ATG5: variants seen among roughly 807,000 people sequenced by gnomAD.
ATG5 encodes autophagy protein 5.
A neutral mutation model predicts 36.5 loss-of-function variants in ATG5; 14 were observed. That is an observed-to-expected ratio of 0.38 (90% confidence interval 0.25 to 0.60). The LOEUF is 0.60. Ranked by LOEUF, ATG5 falls within the 20% of genes least tolerant of loss-of-function variation. The pLI, the probability that ATG5 is intolerant of heterozygous loss-of-function variation, is 0.60. For synonymous variants in ATG5, 95 were observed against 101.5 expected, an observed-to-expected ratio of 0.94 and a Z score of 0.38; for missense variants, 195 against 326.7, an observed-to-expected ratio of 0.60 and a Z score of 3.11.
At chr6:106,277,427 A>C (rs1486439559) in intron 5 of ATG5, among the ~76,000 whole-genome samples, 1 of 152,262 alleles carries the variant, frequency 6.6e-6, no homozygotes, top group Non-Finnish European at 1.5e-5. Flanking sequence ...AACTAAGCAA[A>C]GTGATCTTAA....
At chr6:106,215,631 G>A (rs1237262914) in intron 6 of ATG5, among the ~76,000 whole-genome samples, 3 of 151,510 alleles carry the variant, frequency 2.0e-5, no homozygotes, top group Non-Finnish European at 4.4e-5. Flanking sequence ...TATTAAAAAG[G>A]TAACATAGTA....
intron 7 of ATG5, among the ~76,000 whole-genome samples, chr6:106,196,853 T>C (rs954452973): frequency 2.0e-5 from 3 of 149,984 alleles, no homozygotes; most frequent in African/African-American, 7.3e-5. Flanking sequence ...AACTAGAAAT[T>C]GGCAACCATG....
intron 5 of ATG5, among the ~76,000 whole-genome samples, chr6:106,258,015 C>T (rs747855875): frequency 2.6e-5 from 4 of 152,096 alleles, no homozygotes; most frequent in Admixed American, 1.3e-4. Context: ...GAGATTGTTC[C>T]TTTCACTTAA....
chr6:106,281,998 T>C (rs73507106), intron 4 of ATG5, among the ~76,000 whole-genome samples: 429 of 152,338 alleles, frequency 2.8e-3, no homozygotes, highest in African/African-American at 1.0e-2. Context: ...TTGCATTTGT[T>C]TAAAAGCAAC....
In ATG5 at chr6:106,308,450, G is replaced by T; in HGVS notation, c.150C>A (p.Asp50Glu). The change falls in exon 3 of 8, where the codon GAC (aspartate) becomes GAA (glutamate). Residue 50 changes from aspartate (D) to glutamate (E), a missense_variant. Transcript: ENST00000369076. ...PRVSYLTLVT[D>E]KVKKHFQKVM... The stretch of plus-strand genomic sequence containing the variant: ...CCTTCTGAAAGTGCTTTTTCACTTT[G>T]TCAGTTACCAACGTCAAATAACTTA... 1 of 1,596,676 alleles carries T rather than the reference G, an allele frequency of 6.3e-7. No individual in the cohort carries two copies. The highest frequency in any genetic ancestry group is 1.3e-5 in the African/African-American group (1 of 74,122).
intron 5 of ATG5, among the ~76,000 whole-genome samples, chr6:106,265,909 C>G (rs760528356): frequency 6.6e-6 from 1 of 151,850 alleles, no homozygotes; most frequent in Non-Finnish European, 1.5e-5. Context: ...GATCTAAAAT[C>G]GACACCCTAA....
chr6:106,296,495 G>C (rs1256052416), intron 3 of ATG5, among the ~76,000 whole-genome samples: 1 of 152,170 alleles, frequency 6.6e-6, no homozygotes, highest in Non-Finnish European at 1.5e-5. Flanking sequence ...GTTGCCTAAA[G>C]TATTGAAACA....
intron 6 of ATG5, among the ~76,000 whole-genome samples, chr6:106,218,554 C>T (rs1424302503): frequency 6.6e-6 from 1 of 152,146 alleles, no homozygotes; most frequent in Non-Finnish European, 1.5e-5. Flanking sequence ...TAGTTCTACT[C>T]CATTAAGCAT....
At chr6:106,260,430 T>C (rs1471588622) in intron 5 of ATG5, among the ~76,000 whole-genome samples, 4 of 152,148 alleles carry the variant, frequency 2.6e-5, no homozygotes. Flanking sequence ...GTAAAAGAGC[T>C]CCAGGAACTT....
chr6:106,324,869 C>T (rs1268303929), intron 1 of ATG5, among the ~76,000 whole-genome samples: 3 of 152,180 alleles, frequency 2.0e-5, no homozygotes, highest in Non-Finnish European at 2.9e-5. Context: ...TTCAAGGTCT[C>T]AGAAATTTAA....
chr6:106,190,391 T>TAC (rs1360153552), intron 7 of ATG5, among the ~76,000 whole-genome samples: 2 of 152,084 alleles, frequency 1.3e-5, no homozygotes, highest in African/African-American at 4.8e-5. Context: ...CCTCATGACT[T>TAC]AAACACCCCC....
chr6:106,209,427 T>G (rs747742228), intron 6 of ATG5, among the ~76,000 whole-genome samples: 1 of 152,080 alleles, frequency 6.6e-6, no homozygotes, highest in Non-Finnish European at 1.5e-5. Context: ...AAAGTCAATC[T>G]CAAAAGGTTA....
intron 3 of ATG5, 140 bp from the exon 4 acceptor site, chr6:106,293,246 T>C (rs1780390128): frequency 1.4e-6 from 1 of 694,696 alleles, no homozygotes; most frequent in African/African-American, 1.8e-5. Flanking sequence ...CATTCTACAG[T>C]TACGTGCCTA....
intron 6 of ATG5, among the ~76,000 whole-genome samples, chr6:106,203,079 T>G (rs1776499251): frequency 6.6e-6 from 1 of 152,166 alleles, no homozygotes; most frequent in Non-Finnish European, 1.5e-5. Context: ...TAACTAATGG[T>G]GATTCTAGGT....
intron 4 of ATG5, among the ~76,000 whole-genome samples, chr6:106,282,794 A>AT (rs914207511): frequency 2.0e-5 from 3 of 151,758 alleles, no homozygotes; most frequent in Admixed American, 6.6e-5. Context: ...ATGGATTGAG[A>AT]TTTTTTTATT....
chr6:106,315,978 TCCAAAATAAG>T, intron 2 of ATG5, 113 bp downstream of exon 2: 2 of 709,478 alleles, frequency 2.8e-6, no homozygotes, highest in Admixed American at 3.0e-5. Context: ...TAATTTTTTT[TCCAAAATAAG>T]CATGAATTAG....
chr6:106,215,574 T>C (rs1293382930), intron 6 of ATG5, among the ~76,000 whole-genome samples: 1 of 152,108 alleles, frequency 6.6e-6, no homozygotes, highest in African/African-American at 2.4e-5. Context: ...TTACGTAATC[T>C]GATCAACAAA....
chr6:106,308,308 A>G, intron 3 of ATG5, 56 bp downstream of exon 3: 1 of 1,413,042 alleles, frequency 7.1e-7, no homozygotes, highest in South Asian at 1.7e-5. Flanking sequence ...AGGGCACTAT[A>G]CCTTTTTAAA....
intron 6 of ATG5, among the ~76,000 whole-genome samples, chr6:106,232,603 C>T (rs1349588485): frequency 6.6e-6 from 1 of 152,006 alleles, no homozygotes; most frequent in Non-Finnish European, 1.5e-5. Context: ...CCCTTAGACC[C>T]GAGGCTCAAC....
Sources: allele counts gnomAD v4.1 joint callset (sites outside exome capture counted in the v4.1 genomes callset), GRCh38; gene constraint gnomAD v4.1.1; transcripts MANE v1.5; gene names NCBI Gene and HGNC (gene_info 2026-07-23, HGNC 2026-07-21).